Variants in PHACTR1 observed in about 807,000 individuals in gnomAD.
PHACTR1 encodes phosphatase and actin regulator 1.
Under a neutral mutation model 69.2 loss-of-function variants are expected in PHACTR1, and 16 were observed. That is an observed-to-expected ratio of 0.23 (90% confidence interval 0.16 to 0.35). PHACTR1 has a LOEUF of 0.35. Ranked by LOEUF, PHACTR1 falls within the 10% of genes least tolerant of loss-of-function variation. The probability of loss-of-function intolerance (pLI) is 1.00; values close to 1 mark genes in which losing one functional copy is unlikely to be tolerated. For missense variants in PHACTR1, 510 were observed against 734.7 expected (o/e 0.69, Z 3.54); for synonymous variants, 312 against 284.5 (o/e 1.10, Z -0.97).
chr6:13,097,360 C>T (rs1168393568), intron 5 of PHACTR1, among the ~76,000 whole-genome samples: 1 of 152,210 alleles, frequency 6.6e-6, no homozygotes, highest in Non-Finnish European at 1.5e-5. Flanking sequence ...CCCTCTTCAC[C>T]TCCTGCCCCT....
chr6:12,797,064 G>C (rs1773111257), intron 4 of PHACTR1, among the ~76,000 whole-genome samples: 1 of 144,462 alleles, frequency 6.9e-6, no homozygotes, highest in African/African-American at 2.5e-5. Flanking sequence ...AGAGGGATAT[G>C]AATAATGTAG....
At chr6:12,796,161 C>A (rs1772974284) in intron 4 of PHACTR1, among the ~76,000 whole-genome samples, 1 of 152,146 alleles carries the variant, frequency 6.6e-6, no homozygotes, top group African/African-American at 2.4e-5. Flanking sequence ...TAATTGCTGT[C>A]ATTTCTAAAT....
intron 13 of PHACTR1, 43 bp from the exon 14 acceptor site, chr6:13,286,103 G>C (rs369368863): frequency 4.4e-5 from 67 of 1,522,592 alleles, no homozygotes; most frequent in Non-Finnish European, 4.9e-5. Context: ...GTTTTTTTCT[G>C]TCTCTCTCCC....
chr6:13,273,900 C>T (rs1182356479), intron 11 of PHACTR1: 3 of 140,326 alleles, frequency 2.1e-5, no homozygotes, highest in African/African-American at 2.6e-5. Flanking sequence ...TTGCCTCCCC[C>T]GGCCCCCCCG....
Position 12,990,015 on chromosome 6 carries a change from C to T in PHACTR1, c.251-63350C>T, listed in dbSNP as rs550855005. Among the ~76,000 whole-genome samples the T allele has an allele frequency of 7.2e-5, 11 of 152,270 alleles. No homozygotes were observed. The East Asian group carries it at 1.9e-3, about 27-fold the overall frequency. ...GCGGGTCTCACTCTGAGCATGGGAA[C>T]ATGATGGCAATTAGGAGGCTTTCCT... is the stretch of plus-strand genomic sequence containing the variant. On this transcript the variant is annotated intron_variant, in intron 4 of 14. Coordinates refer to ENST00000332995, the MANE Select transcript of PHACTR1 (RefSeq NM_030948.6).
intron 3 of PHACTR1, among the ~76,000 whole-genome samples, chr6:12,741,147 C>A (rs1003938145): frequency 1.3e-5 from 2 of 151,706 alleles, no homozygotes; most frequent in African/African-American, 4.8e-5. Flanking sequence ...AATAAATGTC[C>A]CAACCAGCAC....
chr6:12,865,947 T>C (rs901789108), intron 4 of PHACTR1, among the ~76,000 whole-genome samples: 12 of 152,178 alleles, frequency 7.9e-5, no homozygotes, highest in Admixed American at 7.2e-4. Flanking sequence ...TTTTTGTCTT[T>C]TCCCTCCTCC....
intron 4 of PHACTR1, among the ~76,000 whole-genome samples, chr6:12,814,808 AC>A (rs1775405059): frequency 6.6e-6 from 1 of 152,132 alleles, no homozygotes; most frequent in Non-Finnish European, 1.5e-5. Flanking sequence ...TTAATCCCCC[AC>A]CATTAGTGAT....
intron 5 of PHACTR1, among the ~76,000 whole-genome samples, chr6:13,158,719 T>C (rs1201642242): frequency 6.6e-6 from 1 of 152,240 alleles, no homozygotes; most frequent in Non-Finnish European, 1.5e-5. Context: ...ATCAGTGTTT[T>C]CCCAGTGTGG....
At chr6:12,783,854 G>A (rs1032825681) in intron 4 of PHACTR1, among the ~76,000 whole-genome samples, 4 of 152,054 alleles carry the variant, frequency 2.6e-5, no homozygotes, top group Non-Finnish European at 5.9e-5. Context: ...ATAAATATCA[G>A]CACTGTAGGT....
chr6:13,147,696 G>A (rs556439188), intron 5 of PHACTR1, among the ~76,000 whole-genome samples: 52 of 152,246 alleles, frequency 3.4e-4, no homozygotes, highest in African/African-American at 1.3e-3. Context: ...CTGGCCAGCT[G>A]CATGATTTCA....
intron 4 of PHACTR1, among the ~76,000 whole-genome samples, chr6:12,919,780 C>G (rs539298738): frequency 6.6e-6 from 1 of 152,024 alleles, no homozygotes; most frequent in Non-Finnish European, 1.5e-5. Context: ...CCTGCTGGAC[C>G]CTGATCTTAA....
At chr6:12,872,966 CCTTG>C (rs1240468502) in intron 4 of PHACTR1, among the ~76,000 whole-genome samples, 3 of 151,598 alleles carry the variant, frequency 2.0e-5, no homozygotes, top group Admixed American at 2.0e-4. Context: ...TTCCTTCCTT[CCTTG>C]CTTCCTTCCT....
At chr6:12,840,703 C>T (rs1778601244) in intron 4 of PHACTR1, among the ~76,000 whole-genome samples, 1 of 152,166 alleles carries the variant, frequency 6.6e-6, no homozygotes, top group Non-Finnish European at 1.5e-5. Context: ...CAGCACAAGT[C>T]TCACCATCTC....
At chr6:13,113,205 C>T (rs1817305346) in intron 5 of PHACTR1, among the ~76,000 whole-genome samples, 2 of 151,010 alleles carry the variant, frequency 1.3e-5, no homozygotes, top group Non-Finnish European at 3.0e-5. Flanking sequence ...TGTCTCAAAA[C>T]AAAACAAAAA....
intron 4 of PHACTR1, among the ~76,000 whole-genome samples, chr6:12,822,172 G>A (rs1210462330): frequency 6.6e-6 from 1 of 152,186 alleles, no homozygotes; most frequent in Non-Finnish European, 1.5e-5. Context: ...CAGAGGTTTT[G>A]GAGTCACTGG....
At chr6:13,149,163 G>T (rs911450392) in intron 5 of PHACTR1, among the ~76,000 whole-genome samples, 9 of 152,132 alleles carry the variant, frequency 5.9e-5, no homozygotes, top group Non-Finnish European at 4.4e-5. Context: ...CACCTCATTT[G>T]CTTTCTGCAA....
At chr6:13,097,686 G>C (rs911330446) in intron 5 of PHACTR1, among the ~76,000 whole-genome samples, 2 of 152,146 alleles carry the variant, frequency 1.3e-5, no homozygotes, top group African/African-American at 4.8e-5. Context: ...CAGCCTCAGT[G>C]GGGCCTCCAT....
chr6:13,178,524 T>G (rs930703558), intron 6 of PHACTR1, among the ~76,000 whole-genome samples: 1 of 152,262 alleles, frequency 6.6e-6, no homozygotes, highest in Non-Finnish European at 1.5e-5. Context: ...CAGAAACTAC[T>G]GGGTCAGAAG....
Sources: gnomAD v4.1 joint callset for allele counts (sites outside exome capture counted in the v4.1 genomes callset) on GRCh38, gnomAD v4.1.1 for gene constraint, MANE v1.5 for transcripts, NCBI Gene and HGNC (gene_info 2026-07-23, HGNC 2026-07-21) for gene names.